Variants in ANK3 observed in about 807,000 individuals in gnomAD.
ANK3 encodes ankyrin-3.
A neutral mutation model predicts 370.9 loss-of-function variants in ANK3; 57 were observed. The observed-to-expected ratio is 0.15, with a 90% CI of 0.12 to 0.19. The LOEUF (loss-of-function observed/expected upper bound fraction) is 0.19, where lower values mean the gene tolerates loss of function less well. Among genes scored for constraint, ANK3 ranks in the 10% least tolerant of loss-of-function variants. The pLI, the probability that ANK3 is intolerant of heterozygous loss-of-function variation, is 1.00. For missense variants in ANK3, 4,439 were observed against 5,302.1 expected, an observed-to-expected ratio of 0.84 and a Z score of 5.06; for synonymous variants, 1,929 against 1,946.3, an observed-to-expected ratio of 0.99 and a Z score of 0.23.
At chr10:60,280,346 C>T (rs1344834862) in intron 1 of ANK3, among the ~76,000 whole-genome samples, 1 of 152,082 alleles carries the variant, frequency 6.6e-6, no homozygotes, top group African/African-American at 2.4e-5. Flanking sequence ...GGCATGATCC[C>T]AACTTAACCC....
At chr10:60,296,196 G>T (rs1214087472) in intron 1 of ANK3, among the ~76,000 whole-genome samples, 1 of 152,152 alleles carries the variant, frequency 6.6e-6, no homozygotes, top group African/African-American at 2.4e-5. Context: ...CTTTCCAAGT[G>T]GCTATGTCCA....
At chr10:60,308,574 C>T (rs1382834846) in intron 1 of ANK3, among the ~76,000 whole-genome samples, 1 of 152,032 alleles carries the variant, frequency 6.6e-6, no homozygotes, top group Non-Finnish European at 1.5e-5. Context: ...CTGTGCCTGG[C>T]CGGAATCTGG....
intron 2 of ANK3, among the ~76,000 whole-genome samples, chr10:60,532,580 C>T (rs1465569295): frequency 1.3e-5 from 2 of 152,066 alleles, no homozygotes; most frequent in African/African-American, 4.8e-5. Context: ...GTTTGCAGCC[C>T]TTGTTAAAAC....
intron 25 of ANK3, among the ~76,000 whole-genome samples, chr10:60,118,981 C>A (rs2093298067): frequency 6.6e-6 from 1 of 152,162 alleles, no homozygotes. Context: ...TGCAACTCTG[C>A]CACTCATTGA....
At chr10:60,134,810 G>A (rs192255937) in intron 24 of ANK3, among the ~76,000 whole-genome samples, 211 of 152,216 alleles carry the variant, frequency 1.4e-3, no homozygotes, top group Non-Finnish European at 2.3e-3. Context: ...TAAGTCTTTG[G>A]GACTTACTGA....
intron 2 of ANK3, among the ~76,000 whole-genome samples, chr10:60,462,303 A>G (rs1167932908): frequency 6.6e-6 from 1 of 152,150 alleles, no homozygotes; most frequent in Non-Finnish European, 1.5e-5. Flanking sequence ...TGATATTCTG[A>G]TTCTCTACAG....
intron 2 of ANK3, among the ~76,000 whole-genome samples, chr10:60,568,062 A>G (rs951347342): frequency 2.6e-5 from 4 of 152,236 alleles, no homozygotes; most frequent in African/African-American, 9.6e-5. Flanking sequence ...CACTATGAAC[A>G]TTGTTGAAAT....
intron 2 of ANK3, among the ~76,000 whole-genome samples, chr10:60,588,765 T>C (rs2077869809): frequency 6.6e-6 from 1 of 151,772 alleles, no homozygotes; most frequent in Non-Finnish European, 1.5e-5. Flanking sequence ...AAAAACATAG[T>C]TGGGCATGGT....
At chr10:60,639,876 A>G (rs1331615899) in intron 1 of ANK3, among the ~76,000 whole-genome samples, 1 of 152,140 alleles carries the variant, frequency 6.6e-6, no homozygotes, top group East Asian at 1.9e-4. Context: ...AATTACATTT[A>G]CCATAAATCA....
At chr10:60,611,940 G>C (rs962445281) in intron 2 of ANK3, among the ~76,000 whole-genome samples, 2 of 151,694 alleles carry the variant, frequency 1.3e-5, no homozygotes, top group Non-Finnish European at 2.9e-5. Flanking sequence ...CAAAATAAAT[G>C]GTTTTCCTTT....
At position 60,028,056 on chromosome 10, in the gene ANK3, G is replaced by A. The variant is rs942849332; in HGVS notation, c.*1790C>T. On this transcript the variant is annotated 3_prime_UTR_variant, in exon 44 of 44. Coordinates refer to ENST00000280772, the MANE Select transcript of ANK3 (RefSeq NM_020987.5). ...AATTAATAAAACAAAACAAAAACAA[G>A]CTCTGTGGGCTAAAAGCAACTGCAT... is the stretch of plus-strand genomic sequence containing the variant. The A allele has an allele frequency of 2.0e-5, 3 of 152,206 alleles. No homozygotes were observed. The highest frequency in any genetic ancestry group is 4.4e-5 in the Non-Finnish European group (3 of 68,028). The allele number at this position is 152,206 out of a possible 1,614,324, so 9.4% of individuals were successfully genotyped here. A position where few individuals can be genotyped will look rare whatever the true frequency, so the allele number is the denominator to read the frequency against.
chr10:60,421,883 G>A (rs2132953156), intron 2 of ANK3, among the ~76,000 whole-genome samples: 1 of 152,106 alleles, frequency 6.6e-6, no homozygotes, highest in Middle Eastern at 3.4e-3. Flanking sequence ...GTTAATTAGG[G>A]GATACTCTGG....
At position 60,071,290 on chromosome 10, in the gene ANK3, G is replaced by A. The variant is rs780499405; in HGVS notation, c.9591C>T (p.Pro3197=). The A allele has an allele frequency of 6.2e-7, 1 of 1,614,140 alleles. No homozygotes were observed. The highest frequency in any genetic ancestry group is 8.5e-7 in the Non-Finnish European group (1 of 1,179,998). Residue 3197 remains proline (P), a synonymous_variant, in exon 37 of 44, where the codon CCC becomes CCT. Coordinates refer to ENST00000280772, the MANE Select transcript of ANK3 (RefSeq NM_020987.5). ...DSLIAYIPGK[P]SPIPEVSEES... The stretch of plus-strand genomic sequence containing the variant: ...CCTCAGAAACCTCGGGAATTGGGCT[G>A]GGTTTGCCTGGTATATAAGCTATGA...
chr10:60,122,343 T>C (rs190893334), intron 25 of ANK3, among the ~76,000 whole-genome samples: 15 of 152,358 alleles, frequency 9.8e-5, no homozygotes, highest in Non-Finnish European at 1.6e-4. Context: ...AGCCTACTTC[T>C]GCAAAGAGTG....
chr10:60,110,022 G>A (rs1208195926), intron 26 of ANK3, among the ~76,000 whole-genome samples: 1 of 152,060 alleles, frequency 6.6e-6, no homozygotes, highest in Non-Finnish European at 1.5e-5. Context: ...CTGTATTCTA[G>A]TTTCCACGTA....
At chr10:60,248,655 CCTCAT>C (rs1357695435) in intron 7 of ANK3, among the ~76,000 whole-genome samples, 1 of 152,132 alleles carries the variant, frequency 6.6e-6, no homozygotes, top group African/African-American at 2.4e-5. Context: ...ATGAAACATG[CCTCAT>C]CTCATTTCAT....
chr10:60,348,811 T>C (rs1362570298), intron 1 of ANK3, among the ~76,000 whole-genome samples: 1 of 152,210 alleles, frequency 6.6e-6, no homozygotes, highest in African/African-American at 2.4e-5. Flanking sequence ...CCAGACCATA[T>C]AGGACCACAT....
chr10:60,615,112 T>C (rs1595351858), intron 2 of ANK3: 3 of 960,132 alleles, frequency 3.1e-6, no homozygotes, highest in Non-Finnish European at 4.4e-6. Context: ...TTCAACTCTA[T>C]GTTTATAATT....
intron 1 of ANK3, among the ~76,000 whole-genome samples, chr10:60,365,848 T>C (rs2059315393): frequency 6.6e-6 from 1 of 152,198 alleles, no homozygotes; most frequent in African/African-American, 2.4e-5. Flanking sequence ...ACTCCAGAGC[T>C]GACTGACTCC....
Sources: gnomAD v4.1 joint callset for allele counts (sites outside exome capture counted in the v4.1 genomes callset) on GRCh38, gnomAD v4.1.1 for gene constraint, MANE v1.5 for transcripts, NCBI Gene and HGNC (gene_info 2026-07-23, HGNC 2026-07-21) for gene names.